The following PLA2G6 variants were observed in gnomAD, a reference collection of about 807,000 sequenced individuals.
PLA2G6 encodes 85/88 kDa calcium-independent phospholipase A2.
PLA2G6 carries 62 observed loss-of-function variants against 83.8 expected under a neutral mutation model. The observed-to-expected ratio is 0.74, with a 90% confidence interval of 0.60 to 0.91. PLA2G6 has a LOEUF of 0.91. Ranked by LOEUF, PLA2G6 falls within the 40% of genes least tolerant of loss-of-function variation. PLA2G6 has a pLI of 0.00. For synonymous variants in PLA2G6, 417 were observed against 449.8 expected (o/e 0.93, Z 0.92); for missense variants, 944 against 1,102.0 (o/e 0.86, Z 2.03).
chr22:38,145,648 A>T lies in PLA2G6; in HGVS notation c.215T>A (p.Phe72Tyr). 3 of 1,610,260 alleles carry T rather than the reference A, an allele frequency of 1.9e-6. No individual in the cohort carries two copies. Among genetic ancestry groups the T allele is most frequent in the Middle Eastern group, 1.7e-4 (1 of 6,032 alleles). The stretch of plus-strand genomic sequence containing the variant: ...GGCGTCAGCCTCCAACTCCAGCTGG[A>T]AGAGTCTGTAGAGCCAGGACAGAGG... ...PRNSQSGFRLFQLELEADALV... is the reference protein window; with the variant it reads ...PRNSQSGFRLYQLELEADALV... The change falls in exon 3 of 17, where the codon TTC becomes TAC. Residue 72 changes from phenylalanine to tyrosine, a missense_variant. Transcript: ENST00000332509.
Position 38,145,657 on chromosome 22 carries a change from T to C in PLA2G6, c.210-4A>G, listed in dbSNP as rs1403754366. ...CTCCAACTCCAGCTGGAAGAGTCTGTAGAGCCAGGACAGAGGAGCAAGACC... is the reference window on the plus strand; with the variant it reads ...CTCCAACTCCAGCTGGAAGAGTCTGCAGAGCCAGGACAGAGGAGCAAGACC... On this transcript the variant is annotated splice_region_variant and splice_polypyrimidine_tract_variant and intron_variant, in intron 2 of 16. Coordinates refer to ENST00000332509, the MANE Select transcript of PLA2G6 (RefSeq NM_003560.4). 6.9e-6 allele frequency: 11 copies of C among 1,604,676 alleles called. No individual in the cohort carries two copies. Among genetic ancestry groups the C allele is most frequent in the Non-Finnish European group, 9.4e-6 (11 of 1,173,504 alleles).
At chr22:38,176,754 G>A (rs133018) in intron 1 of PLA2G6, among the ~76,000 whole-genome samples, 77,912 of 151,958 alleles carry the variant, frequency 0.51, 20,521 homozygotes, top group South Asian at 0.64. Context: ...CAGGGAAGGC[G>A]CAGCCGGGCG....
chr22:38,171,952 G>A (rs1233973104), intron 1 of PLA2G6, among the ~76,000 whole-genome samples: 5 of 152,042 alleles, frequency 3.3e-5, no homozygotes, highest in East Asian at 1.9e-4. Context: ...GTGAGTCACC[G>A]TGTCTGGCCT....
At chr22:38,176,227 G>C (rs572462538) in intron 1 of PLA2G6, among the ~76,000 whole-genome samples, 15 of 152,248 alleles carry the variant, frequency 9.9e-5, no homozygotes. Flanking sequence ...CTTAGGCTGA[G>C]CTCACTCCTA....
At chr22:38,127,387 C>T in intron 9 of PLA2G6, 1 of 1,314,648 alleles carries the variant, frequency 7.6e-7, no homozygotes, top group Non-Finnish European at 1.0e-6. Context: ...TCGGTGGCCT[C>T]TCCAGGCCCA....
At chr22:38,119,805 C>A (rs903531299) in intron 12 of PLA2G6, among the ~76,000 whole-genome samples, 4 of 151,674 alleles carry the variant, frequency 2.6e-5, no homozygotes, top group African/African-American at 9.7e-5. Context: ...ACAGCAAGAC[C>A]CTGTTTCAAA....
At position 38,129,507 on chromosome 22, in the gene PLA2G6, G is replaced by A. The variant is rs769930709; in HGVS notation, c.1133C>T (p.Thr378Ile). ...ALIVFGAEVD[T>I]PNDFGETPTF... is the part of the protein sequence containing the mutation. ...AGGAGTCTCCCCAAAGTCATTCGGG[G>A]TGTCCACTTCTGCTCCGAACACGAT... The change falls in exon 8 of 17, where the codon ACC (threonine) becomes ATC (isoleucine). Residue 378 changes from threonine (T) to isoleucine (I), a missense_variant. By Grantham distance (89) the Thr-to-Ile change is moderately conservative. Coordinates refer to ENST00000332509, the MANE Select transcript of PLA2G6 (RefSeq NM_003560.4). 6.2e-7 allele frequency: 1 copy of A among 1,614,110 alleles called. No individual in the cohort carries two copies. The highest frequency in any genetic ancestry group is 1.1e-5 in the South Asian group (1 of 91,088).
intron 1 of PLA2G6, among the ~76,000 whole-genome samples, chr22:38,174,114 G>A (rs1399656517): frequency 7.2e-5 from 11 of 152,016 alleles, no homozygotes; most frequent in Non-Finnish European, 1.0e-4. Context: ...AAAAACAAAC[G>A]GGCTGGGCGC....
At chr22:38,139,564 A>T (rs2088769990) in intron 5 of PLA2G6, 1 of 165,136 alleles carries the variant, frequency 6.1e-6, no homozygotes, top group South Asian at 1.5e-4. Flanking sequence ...CCTTCCAAGT[A>T]GCTGGGATTA....
Position 38,111,527 on chromosome 22 carries a change from T to C in PLA2G6, c.*634A>G, listed in dbSNP as rs1222385204. On this transcript the variant is annotated 3_prime_UTR_variant, in exon 17 of 17. Coordinates refer to ENST00000332509, the MANE Select transcript of PLA2G6 (RefSeq NM_003560.4). ...GAATCCAAATGATTTATTTCAGTTTTGGCTCTTAAGCCACTTCCATTGGGA... is the reference window on the plus strand; with the variant it reads ...GAATCCAAATGATTTATTTCAGTTTCGGCTCTTAAGCCACTTCCATTGGGA... 6.1e-6 allele frequency: 1 copy of C among 162,778 alleles called. No individual in the cohort carries two copies. The highest frequency in any genetic ancestry group is 1.4e-5 in the Non-Finnish European group (1 of 73,962). 10.1% of individuals were successfully genotyped at this position (162,778 alleles called of 1,614,324 possible).
At chr22:38,129,993 C>T (rs1019389461) in intron 7 of PLA2G6, among the ~76,000 whole-genome samples, 5 of 152,190 alleles carry the variant, frequency 3.3e-5, no homozygotes, top group Non-Finnish European at 5.9e-5. Flanking sequence ...GGTGTCATCC[C>T]TGAGGGGTAA....
In PLA2G6 at chr22:38,124,770, G is replaced by A. The variant is rs548389702; in HGVS notation, c.1428-1512C>T. ...TGCCCAAGAGGGCTGATAAATGGAG[G>A]AGGCCCGGGTCCCACCTCTAGGGGT... is the stretch of plus-strand genomic sequence containing the variant. On this transcript the variant is annotated intron_variant, in intron 10 of 16. Coordinates refer to ENST00000332509, the MANE Select transcript of PLA2G6 (RefSeq NM_003560.4). 1.0e-3 allele frequency among the ~76,000 whole-genome samples: 156 copies of A among 152,328 alleles called. 1 individual carries two copies. Among genetic ancestry groups the A allele is most frequent in the African/African-American group, 3.4e-3 (141 of 41,574 alleles).
At chr22:38,139,932 G>A (rs1174659829) in intron 5 of PLA2G6, 50 bp downstream of exon 5, 3 of 1,440,648 alleles carry the variant, frequency 2.1e-6, no homozygotes, top group Non-Finnish European at 2.9e-6. Context: ...CAGGTGACAG[G>A]AGAGCTGGAG....
chr22:38,141,963 G>C (rs1387172191), intron 4 of PLA2G6: 2 of 152,056 alleles, frequency 1.3e-5, no homozygotes, highest in Non-Finnish European at 2.9e-5. Flanking sequence ...GGGAGGCTGA[G>C]GCAGGTGGAT....
intron 2 of PLA2G6, among the ~76,000 whole-genome samples, chr22:38,156,036 C>G (rs2089764695): frequency 6.6e-6 from 1 of 152,096 alleles, no homozygotes; most frequent in Non-Finnish European, 1.5e-5. Context: ...CTATGCTATT[C>G]TATGAGGCAA....
chr22:38,148,684 C>T (rs775411542), intron 2 of PLA2G6: 47 of 639,884 alleles, frequency 7.3e-5, no homozygotes, highest in Non-Finnish European at 1.2e-4. Flanking sequence ...TAAAGAACTA[C>T]GTAGCCTAGG....
At position 38,132,543 on chromosome 22, in the gene PLA2G6, A is replaced by T; in HGVS notation, c.1077+288T>A. 1 of 529,956 alleles carries T rather than the reference A, an allele frequency of 1.9e-6. No individual in the cohort carries two copies. Among genetic ancestry groups the T allele is most frequent in the East Asian group, 3.3e-5 (1 of 30,610 alleles). The allele number at this position is 529,956 out of a possible 1,614,324, so 32.8% of individuals were successfully genotyped here. A position where few individuals can be genotyped will look rare whatever the true frequency, so the allele number is the denominator to read the frequency against. ...GACATGGCTTGCTCAGGGCCAGTCT[A>T]TGGCCAGAGCTGTCATTTTTCCCTC... On this transcript the variant is annotated intron_variant, in intron 7 of 16. Transcript: ENST00000332509. This position sits in a 1 kb window ranked among gnomAD's most constrained non-coding sequence, Gnocchi z 5.0.
At chr22:38,155,553 T>TA (rs2031044322) in intron 2 of PLA2G6, among the ~76,000 whole-genome samples, 1 of 152,218 alleles carries the variant, frequency 6.6e-6, no homozygotes, top group Admixed American at 6.5e-5. Flanking sequence ...GAGTTTTTAT[T>TA]AGTTTTCTCT....
Position 38,169,472 on chromosome 22 carries a change from C to A in PLA2G6, c.-45-1G>T. On this transcript the variant is annotated splice_acceptor_variant, in intron 1 of 16. Transcript: ENST00000332509. LOFTEE classifies it low-confidence loss of function (5UTR_SPLICE). ...AGGCCCCACCGTCTTCCCCCTCTGT[C>A]TGGAAGAAAACGAGGTCTCTGGTCA... The A allele has an allele frequency of 6.4e-7, 1 of 1,555,774 alleles. No homozygotes were observed.
Sources: allele counts gnomAD v4.1 joint callset (sites outside exome capture counted in the v4.1 genomes callset), GRCh38; gene constraint gnomAD v4.1.1; non-coding constraint Gnocchi (gnomAD v3.1); transcripts MANE v1.5; gene names NCBI Gene and HGNC (gene_info 2026-07-23, HGNC 2026-07-21).